FARP2: variants seen among roughly 807,000 people sequenced by gnomAD.
The protein encoded by FARP2 is FERM, ARH/RhoGEF and pleckstrin domain protein 2.
FARP2 carries 111 observed loss-of-function variants against 130.5 expected under a neutral mutation model. The ratio of observed to expected loss-of-function variants is 0.85; its 90% confidence interval spans 0.73 to 1.00. The LOEUF (loss-of-function observed/expected upper bound fraction) is 1.00, where lower values mean the gene tolerates loss of function less well. FARP2 is among the 50% of genes least tolerant of loss of function. FARP2 has a pLI of 0.00. For missense variants in FARP2, 1,385 were observed against 1,346.3 expected (o/e 1.03, Z -0.45); for synonymous variants, 504 against 516.9 (o/e 0.98, Z 0.34).
intron 2 of FARP2, among the ~76,000 whole-genome samples, chr2:241,384,600 T>C (rs2061741789): frequency 1.3e-5 from 2 of 152,210 alleles, no homozygotes; most frequent in Non-Finnish European, 2.9e-5. Flanking sequence ...AATCTTCTGG[T>C]TTTAGATATT....
chr2:241,416,196 A>G (rs951016029), intron 7 of FARP2, among the ~76,000 whole-genome samples: 1 of 151,924 alleles, frequency 6.6e-6, no homozygotes, highest in African/African-American at 2.4e-5. Context: ...GTGTACTTGC[A>G]CATGTTCTTG....
At chr2:241,453,380 T>C (rs1239361669) in intron 13 of FARP2, among the ~76,000 whole-genome samples, 10 of 151,290 alleles carry the variant, frequency 6.6e-5, no homozygotes, top group African/African-American at 2.2e-4. Flanking sequence ...CCCAGCACTT[T>C]GGGAGGCCAA....
rs1559805631 is a variant in FARP2 at position 241,475,857 on chromosome 2, A to G, written c.2132A>G (p.Asp711Gly). Residue 711 changes from aspartate to glycine, a missense_variant and splice_region_variant, in exon 19 of 27, where the codon GAC (aspartate) becomes GGC (glycine). By Grantham distance (94) the Asp-to-Gly change is moderately conservative (BLOSUM62 -1). Coordinates refer to ENST00000264042, the MANE Select transcript of FARP2 (RefSeq NM_014808.4). The surrounding 1 kb of genome is among the most constrained non-coding windows in gnomAD (Gnocchi z 4.4). Reference protein sequence around the residue: ...PGHHDYADCHDALKAITEVTT... With the variant: ...PGHHDYADCHGALKAITEVTT... ...TGTACTGAGGGGTCTCTCCACACAG[A>G]CGCCCTGAAAGCCATCACAGAGGTG... 5 of 1,611,614 alleles carry G rather than the reference A, an allele frequency of 3.1e-6. No individual in the cohort carries two copies. Among genetic ancestry groups the G allele is most frequent in the Non-Finnish European group, 4.2e-6 (5 of 1,178,834 alleles).
intron 6 of FARP2, 28 bp downstream of exon 6, chr2:241,411,158 A>G (rs2062508097): frequency 6.7e-7 from 1 of 1,485,770 alleles, no homozygotes; most frequent in African/African-American, 1.4e-5. Context: ...AGCGGGGAGC[A>G]TTCACTGACC....
At chr2:241,411,509 A>G (rs767439493) in intron 6 of FARP2, among the ~76,000 whole-genome samples, 13 of 152,196 alleles carry the variant, frequency 8.5e-5, no homozygotes, top group Non-Finnish European at 1.8e-4. Context: ...CAGTCCTCTC[A>G]GATTAGTAAA....
chr2:241,367,853 A>G (rs1315744412), intron 1 of FARP2, among the ~76,000 whole-genome samples: 2 of 150,830 alleles, frequency 1.3e-5, no homozygotes, highest in African/African-American at 4.9e-5. Flanking sequence ...GTCACTTCTG[A>G]GTTATTTGTT....
intron 22 of FARP2, among the ~76,000 whole-genome samples, chr2:241,490,254 A>G (rs1427772260): frequency 2.6e-5 from 4 of 152,134 alleles, no homozygotes; most frequent in African/African-American, 9.7e-5. Flanking sequence ...CAACCTGACA[A>G]CACCCCACAA....
intron 1 of FARP2, among the ~76,000 whole-genome samples, chr2:241,356,819 G>T (rs777779661): frequency 2.0e-5 from 3 of 152,266 alleles, no homozygotes; most frequent in Non-Finnish European, 4.4e-5. Flanking sequence ...ATAGGGACCC[G>T]CAGGGTATGG....
Position 241,451,203 on chromosome 2 carries a change from G to A in FARP2, c.1412-5544G>A, listed in dbSNP as rs1156561427. Among the ~76,000 whole-genome samples, 4 of 151,934 alleles carry A rather than the reference G, an allele frequency of 2.6e-5. No individual in the cohort carries two copies. The East Asian group carries it at 5.8e-4, about 22-fold the overall frequency. On this transcript the variant is annotated intron_variant, in intron 13 of 26. Transcript: ENST00000264042. ...TGCCAAGGCTGGTCTCAAACTCCTG[G>A]GCTCAAGTAATCCACCCACTTCGAC...
intron 8 of FARP2, among the ~76,000 whole-genome samples, chr2:241,421,090 A>G (rs888804295): frequency 6.6e-6 from 1 of 152,186 alleles, no homozygotes; most frequent in Non-Finnish European, 1.5e-5. Context: ...AGGAACCCCC[A>G]TCCCCAGCCA....
intron 1 of FARP2, among the ~76,000 whole-genome samples, chr2:241,357,221 C>A (rs73116357): frequency 0.03 from 4,503 of 152,284 alleles, 156 homozygotes; most frequent in African/African-American, 0.08. Context: ...GTTTTTCTCT[C>A]TGGGTTTTTG....
chr2:241,412,918 C>T (rs1009036963), intron 6 of FARP2, among the ~76,000 whole-genome samples: 1 of 152,172 alleles, frequency 6.6e-6, no homozygotes, highest in Non-Finnish European at 1.5e-5. Flanking sequence ...GTCCCAGCTA[C>T]TTAGGAGGCT....
chr2:241,482,725 C>T lies in FARP2; in HGVS notation c.2263-740C>T, dbSNP rs919578894. The stretch of plus-strand genomic sequence containing the variant: ...ACTGCTCATACTAGGAGGCCCCTAG[C>T]ACATTCTCCGGACACCTGCTGCTCC... On this transcript the variant is annotated intron_variant, in intron 19 of 26. Transcript: ENST00000264042. This position sits in a 1 kb window ranked among gnomAD's most constrained non-coding sequence, Gnocchi z 4.6. Among the ~76,000 whole-genome samples the T allele has an allele frequency of 6.6e-6, 1 of 152,166 alleles. No individual in the cohort carries two copies. The highest frequency in any genetic ancestry group is 2.4e-5 in the African/African-American group (1 of 41,438).
In FARP2 at chr2:241,463,915, G is replaced by A. The variant is rs778841430; in HGVS notation, c.1828G>A (p.Ala610Thr). 7.4e-6 allele frequency: 12 copies of A among 1,613,874 alleles called. No individual in the cohort carries two copies. Among genetic ancestry groups the A allele is most frequent in the African/African-American group, 1.3e-5 (1 of 74,912 alleles). Residue 610 changes from alanine to threonine, a missense_variant, in exon 17 of 27, where the codon GCC becomes ACC. Transcript: ENST00000264042. The stretch of plus-strand genomic sequence containing the variant: ...TTTACTCAGGGAAGGGCCCTCCAAA[G>A]CCCACACAAAAGGCAGTCATCAACG... The part of the protein sequence containing the change: ...RLALWEGPSK[A>T]HTKGSHQRIG...
chr2:241,374,407 G>A (rs1223816812), intron 2 of FARP2, among the ~76,000 whole-genome samples: 1 of 152,132 alleles, frequency 6.6e-6, no homozygotes, highest in East Asian at 1.9e-4. Flanking sequence ...ATCTTTAGAA[G>A]CTTTTCTTGC....
chr2:241,400,753 G>A (rs2062145964), intron 2 of FARP2, among the ~76,000 whole-genome samples: 1 of 152,278 alleles, frequency 6.6e-6, no homozygotes, highest in African/African-American at 2.4e-5. Context: ...CTCAGGGAGA[G>A]TCATGAGGAG....
chr2:241,438,621 G>GTTTTTTTTTTTTTT (rs374807842), intron 12 of FARP2, among the ~76,000 whole-genome samples: 1 of 139,818 alleles, frequency 7.2e-6, no homozygotes. Flanking sequence ...AAACTCTCTG[G>GTTTTTTTTTTTTTT]TTTTTTTTTT....
At chr2:241,402,878 ATAT>A (rs2062227771) in intron 2 of FARP2, among the ~76,000 whole-genome samples, 3 of 8,464 alleles carry the variant, frequency 3.5e-4, no homozygotes, top group Admixed American at 2.4e-3. Flanking sequence ...ATATATATAT[ATAT>A]TTTTTTTTTT....
chr2:241,467,945 G>C (rs1412482100), intron 17 of FARP2, among the ~76,000 whole-genome samples, 195 bp from the exon 18 acceptor site: 3 of 152,240 alleles, frequency 2.0e-5, no homozygotes, highest in Admixed American at 2.0e-4. Context: ...ATGAGGTGCA[G>C]GTCACATGGC....
Sources: allele counts gnomAD v4.1 joint callset (sites outside exome capture counted in the v4.1 genomes callset), GRCh38; gene constraint gnomAD v4.1.1; non-coding constraint Gnocchi (gnomAD v3.1); transcripts MANE v1.5; gene names NCBI Gene and HGNC (gene_info 2026-07-23, HGNC 2026-07-21).